Variants in SPIN4 observed in about 807,000 individuals in gnomAD.
SPIN4 encodes the protein spindlin-4.
In SPIN4, 4 loss-of-function variants were observed where a neutral mutation model predicts 10.4. The ratio of observed to expected loss-of-function variants is 0.38; its 90% CI spans 0.19 to 0.88. The LOEUF is 0.88. SPIN4 is among the 40% of genes least tolerant of loss of function. The probability of loss-of-function intolerance (pLI) is 0.40; values close to 1 mark genes in which losing one functional copy is unlikely to be tolerated. For missense variants in SPIN4, 126 were observed against 198.7 expected, an observed-to-expected ratio of 0.63 and a Z score of 2.20; for synonymous variants, 71 against 78.4, an observed-to-expected ratio of 0.91 and a Z score of 0.50.
chrX:63,350,334 G>A lies in SPIN4; in HGVS notation c.486C>T (p.Leu162=). 1.7e-6 allele frequency: 2 copies of A among 1,211,407 alleles called. No homozygotes were observed. The highest frequency in any genetic ancestry group is 2.2e-6 in the Non-Finnish European group (2 of 895,498). ...AGTCATCAAGCAGCGTGTACATATAGAGAACAGGATCTTTCTCGTAGGTGA... is the reference window on the plus strand; with the variant it reads ...AGTCATCAAGCAGCGTGTACATATAAAGAACAGGATCTTTCTCGTAGGTGA... ...FYITYEKDPV[L]YMYTLLDDYK... Residue 162 remains leucine, a synonymous_variant, in exon 1 of 1, where the codon CTC becomes CTT. Transcript: ENST00000374884.
chrX:63,350,153 C>A lies in SPIN4; in HGVS notation c.667G>T (p.Val223Leu), dbSNP rs782724762. The change falls in exon 1 of 1, where the codon GTG becomes TTG. Residue 223 changes from valine to leucine, a missense_variant. By Grantham distance (32) the Val-to-Leu change is conservative (BLOSUM62 1). Transcript: ENST00000374884. ...AAGTAAACAGATGGCTTCGCCACCA[C>A]TTGATGTATAAAAATGCCAGTTCTC... ...SKRTGIFIHQ[V>L]VAKPSVYFIK... The A allele has an allele frequency of 2.5e-6, 3 of 1,210,202 alleles. No homozygotes were observed. The highest frequency in any genetic ancestry group is 3.5e-5 in the African/African-American group (2 of 57,251).
Position 63,350,975 on chromosome X carries a change from T to G in SPIN4, c.-156A>C. On this transcript the variant is annotated 5_prime_UTR_variant, in exon 1 of 1. Coordinates refer to ENST00000374884, the MANE Select transcript of SPIN4 (RefSeq NM_001012968.3). Reference sequence around the variant, plus strand: ...AAGTGCAAGGCTCTCACCAAGGTTTTGGCAGAAACGCTCGAACTCTAACCG... The same window carrying G: ...AAGTGCAAGGCTCTCACCAAGGTTTGGGCAGAAACGCTCGAACTCTAACCG... 1.5e-6 allele frequency: 1 copy of G among 661,371 alleles called. No homozygotes were observed. The highest frequency in any genetic ancestry group is 3.6e-5 in the East Asian group (1 of 27,835). The allele number at this position is 661,371 out of a possible 1,213,427, so 54.5% of individuals were successfully genotyped here. A position where few individuals can be genotyped will look rare whatever the true frequency, so the allele number is the denominator to read the frequency against.
rs782501799 is a variant in SPIN4, at chrX:63,349,892, C to G, written c.*178G>C. The G allele has an allele frequency of 2.6e-5, 12 of 462,854 alleles. No individual in the cohort carries two copies. The highest frequency in any genetic ancestry group is 3.8e-5 in the Non-Finnish European group (11 of 285,810). The allele number at this position is 462,854 out of a possible 1,213,427, so 38.1% of individuals were successfully genotyped here. On this transcript the variant is annotated 3_prime_UTR_variant, in exon 1 of 1. Coordinates refer to ENST00000374884, the MANE Select transcript of SPIN4 (RefSeq NM_001012968.3). ...CAGAACAAGGCAATATCAAAAGTAG[C>G]AAAGTACACTTGAGGCAAAATTGTG...
At position 63,348,604 on chromosome X, in the gene SPIN4, A is replaced by G. The variant is rs1177404078; in HGVS notation, c.*1466T>C. The G allele has an allele frequency of 9.0e-6, 1 of 110,511 alleles. No homozygotes were observed. Among genetic ancestry groups the G allele is most frequent in the East Asian group, 2.8e-4 (1 of 3,538 alleles). 9.1% of individuals were successfully genotyped at this position (110,511 alleles called of 1,213,427 possible). On this transcript the variant is annotated 3_prime_UTR_variant, in exon 1 of 1. Transcript: ENST00000374884. ...AAAATGAATGTCTAGGACATATTAT[A>G]TAAAGAAAAAAAAAACTAATGAAGT...
rs781828333 is a variant in SPIN4, at chrX:63,350,826, G to A, written c.-7C>T. 8.1e-4 allele frequency: 959 copies of A among 1,182,941 alleles called. 6 individuals are homozygous for A. In the South Asian group the frequency reaches 0.014, roughly 17 times the overall value. On this transcript the variant is annotated 5_prime_UTR_variant, in exon 1 of 1. Transcript: ENST00000374884. ...GCACGGTTGGAGGAGACATAGCTCAGGGATTAAGAGGGCTTGGGGAAAGCT... is the reference window on the plus strand; with the variant it reads ...GCACGGTTGGAGGAGACATAGCTCAAGGATTAAGAGGGCTTGGGGAAAGCT...
chrX:63,348,655 A>T lies in SPIN4; in HGVS notation c.*1415T>A, dbSNP rs1258452851. 1 of 110,915 alleles carries T rather than the reference A, an allele frequency of 9.0e-6. No homozygotes were observed. Among genetic ancestry groups the T allele is most frequent in the Non-Finnish European group, 1.9e-5 (1 of 52,820 alleles). 9.1% of individuals were successfully genotyped at this position (110,915 alleles called of 1,213,427 possible). ...GGGACTTGCTTTATCGGATTCTAAAACTTACGATGAAGCCACTATAATTAA... is the reference window on the plus strand; with the variant it reads ...GGGACTTGCTTTATCGGATTCTAAATCTTACGATGAAGCCACTATAATTAA... On this transcript the variant is annotated 3_prime_UTR_variant, in exon 1 of 1. Coordinates refer to ENST00000374884, the MANE Select transcript of SPIN4 (RefSeq NM_001012968.3).
chrX:63,350,063 A>T lies in SPIN4; in HGVS notation c.*7T>A. On this transcript the variant is annotated 3_prime_UTR_variant, in exon 1 of 1. Coordinates refer to ENST00000374884, the MANE Select transcript of SPIN4 (RefSeq NM_001012968.3). The stretch of plus-strand genomic sequence containing the variant: ...GATCCACAACTTCTCTAAAGAGCAC[A>T]AAGAATTTAAGGAGTTTTCACCAAA... 1 of 1,189,906 alleles carries T rather than the reference A, an allele frequency of 8.4e-7. No individual in the cohort carries two copies. Among genetic ancestry groups the T allele is most frequent in the Non-Finnish European group, 1.1e-6 (1 of 882,255 alleles).
rs781805044 is a variant in SPIN4, at chrX:63,349,672, G to A, written c.*398C>T. Reference sequence around the variant, plus strand: ...TAGAACATACTTTCTGCATGAAGATGGGGAAAATAGGTGGAAGGATGTACT... The same window carrying A: ...TAGAACATACTTTCTGCATGAAGATAGGGAAAATAGGTGGAAGGATGTACT... On this transcript the variant is annotated 3_prime_UTR_variant, in exon 1 of 1. Coordinates refer to ENST00000374884, the MANE Select transcript of SPIN4 (RefSeq NM_001012968.3). 7.2e-5 allele frequency: 9 copies of A among 125,100 alleles called. No homozygotes were observed. The highest frequency in any genetic ancestry group is 1.5e-4 in the Non-Finnish European group (9 of 61,921). 10.3% of individuals were successfully genotyped at this position (125,100 alleles called of 1,213,427 possible). A position where few individuals can be genotyped will look rare whatever the true frequency, so the allele number is the denominator to read the frequency against.
At position 63,349,899 on chromosome X, in the gene SPIN4, C is replaced by T. The variant is rs1223626424; in HGVS notation, c.*171G>A. The T allele has an allele frequency of 4.0e-6, 2 of 494,273 alleles. No homozygotes were observed. The highest frequency in any genetic ancestry group is 8.4e-5 in the Admixed American group (2 of 23,786). The allele number at this position is 494,273 out of a possible 1,213,427, so 40.7% of individuals were successfully genotyped here. On this transcript the variant is annotated 3_prime_UTR_variant, in exon 1 of 1. Transcript: ENST00000374884. ...AGGCAATATCAAAAGTAGCAAAGTA[C>T]ACTTGAGGCAAAATTGTGAAACTAG...
chrX:63,349,038 T>C lies in SPIN4; in HGVS notation c.*1032A>G, dbSNP rs1406928110. ...ACATTAGAGCTACAAATGATTAATA[T>C]GCACTATGTAGTAAGAATTTCTACA... On this transcript the variant is annotated 3_prime_UTR_variant, in exon 1 of 1. Transcript: ENST00000374884. The C allele has an allele frequency of 8.9e-6, 1 of 112,033 alleles. No homozygotes were observed. The highest frequency in any genetic ancestry group is 1.9e-5 in the Non-Finnish European group (1 of 53,230). The allele number at this position is 112,033 out of a possible 1,213,427, so 9.2% of individuals were successfully genotyped here.
rs1932946738 is a variant in SPIN4 at position 63,347,382 on chromosome X, C to G, written c.*2688G>C. 1 of 111,580 alleles carries G rather than the reference C, an allele frequency of 9.0e-6. No individual in the cohort carries two copies. The highest frequency in any genetic ancestry group is 1.9e-5 in the Non-Finnish European group (1 of 53,026). 9.2% of individuals were successfully genotyped at this position (111,580 alleles called of 1,213,427 possible). On this transcript the variant is annotated 3_prime_UTR_variant, in exon 1 of 1. Coordinates refer to ENST00000374884, the MANE Select transcript of SPIN4 (RefSeq NM_001012968.3). ...AGAGAACTTTTAACTTTGTATGTCA[C>G]AGAGAATGTATATACCTTTTTAATA...
chrX:63,351,044 C>T lies in SPIN4; in HGVS notation c.-225G>A. On this transcript the variant is annotated 5_prime_UTR_variant, in exon 1 of 1. Coordinates refer to ENST00000374884, the MANE Select transcript of SPIN4 (RefSeq NM_001012968.3). Reference sequence around the variant, plus strand: ...GTGCCTCTCCACAGTGCTTTCCTCTCTCGCCCTAGAAGGGTTACTGCAGCA... The same window carrying T: ...GTGCCTCTCCACAGTGCTTTCCTCTTTCGCCCTAGAAGGGTTACTGCAGCA... 1 of 388,552 alleles carries T rather than the reference C, an allele frequency of 2.6e-6. No homozygotes were observed. The allele number at this position is 388,552 out of a possible 1,213,427, so 32.0% of individuals were successfully genotyped here. A position where few individuals can be genotyped will look rare whatever the true frequency, so the allele number is the denominator to read the frequency against.
At position 63,348,818 on chromosome X, in the gene SPIN4, A is replaced by C. The variant is rs1556016330; in HGVS notation, c.*1252T>G. Reference sequence around the variant, plus strand: ...ACAAAAATAAATTTCAGATGGATCAAACATTTAAACATTAAAAATAATAAA... The same window carrying C: ...ACAAAAATAAATTTCAGATGGATCACACATTTAAACATTAAAAATAATAAA... On this transcript the variant is annotated 3_prime_UTR_variant, in exon 1 of 1. Transcript: ENST00000374884. 9.0e-6 allele frequency: 1 copy of C among 111,584 alleles called. No homozygotes were observed. The highest frequency in any genetic ancestry group is 3.2e-5 in the African/African-American group (1 of 30,802). 9.2% of individuals were successfully genotyped at this position (111,584 alleles called of 1,213,427 possible).
In SPIN4 at chrX:63,350,249, G is replaced by A; in HGVS notation, c.571C>T (p.Gln191Ter). The change falls in exon 1 of 1, where the codon CAG (glutamine) becomes TAG (stop). Residue 191 changes from glutamine (Q) to a stop codon, truncating the protein, a stop_gained. Coordinates refer to ENST00000374884, the MANE Select transcript of SPIN4 (RefSeq NM_001012968.3). LOFTEE classifies it high-confidence loss of function. ...CTGTCGACCACCTCTCCAGGCTCCTGTTCTGCTGTAGGGAAATAGTAGTTG... is the reference window on the plus strand; with the variant it reads ...CTGTCGACCACCTCTCCAGGCTCCTATTCTGCTGTAGGGAAATAGTAGTTG... ...DSNYYFPTAEQEPGEVVDSLV... is the reference protein window; with the variant it reads ...DSNYYFPTAE 8.3e-7 allele frequency: 1 copy of A among 1,211,414 alleles called. No individual in the cohort carries two copies. The highest frequency in any genetic ancestry group is 1.1e-6 in the Non-Finnish European group (1 of 895,365).
rs1480211050 is a variant in SPIN4 at position 63,348,520 on chromosome X, A to G, written c.*1550T>C. ...ACAAAAATGCAGGATTTTAATTGTGATGTCAGCCATCATAATTAGAATTTT... is the reference window on the plus strand; with the variant it reads ...ACAAAAATGCAGGATTTTAATTGTGGTGTCAGCCATCATAATTAGAATTTT... On this transcript the variant is annotated 3_prime_UTR_variant, in exon 1 of 1. Transcript: ENST00000374884. 1 of 110,647 alleles carries G rather than the reference A, an allele frequency of 9.0e-6. No homozygotes were observed. Among genetic ancestry groups the G allele is most frequent in the African/African-American group, 3.3e-5 (1 of 30,511 alleles). The allele number at this position is 110,647 out of a possible 1,213,427, so 9.1% of individuals were successfully genotyped here.
At position 63,349,684 on chromosome X, in the gene SPIN4, T is replaced by G. The variant is rs782046345; in HGVS notation, c.*386A>C. On this transcript the variant is annotated 3_prime_UTR_variant, in exon 1 of 1. Transcript: ENST00000374884. ...TCTGCATGAAGATGGGGAAAATAGG[T>G]GGAAGGATGTACTTCGCATCCTCAA... 7.8e-6 allele frequency: 1 copy of G among 128,801 alleles called. No homozygotes were observed. The highest frequency in any genetic ancestry group is 1.6e-5 in the Non-Finnish European group (1 of 63,676). The allele number at this position is 128,801 out of a possible 1,213,427, so 10.6% of individuals were successfully genotyped here.
rs1196815509 is a variant in SPIN4, at chrX:63,347,741, A to G, written c.*2329T>C. On this transcript the variant is annotated 3_prime_UTR_variant, in exon 1 of 1. Coordinates refer to ENST00000374884, the MANE Select transcript of SPIN4 (RefSeq NM_001012968.3). Reference sequence around the variant, plus strand: ...AAATCCACTCATGTAGCAAATCATTATTTCACAATGACCAAGTAGTATTTG... The same window carrying G: ...AAATCCACTCATGTAGCAAATCATTGTTTCACAATGACCAAGTAGTATTTG... 2 of 111,874 alleles carry G rather than the reference A, an allele frequency of 1.8e-5. No individual in the cohort carries two copies. Among genetic ancestry groups the G allele is most frequent in the Non-Finnish European group, 3.8e-5 (2 of 53,036 alleles). 9.2% of individuals were successfully genotyped at this position (111,874 alleles called of 1,213,427 possible).
rs1324550116 is a variant in SPIN4 at position 63,347,868 on chromosome X, T to C, written c.*2202A>G. The C allele has an allele frequency of 9.0e-6, 1 of 111,619 alleles. No individual in the cohort carries two copies. The highest frequency in any genetic ancestry group is 1.9e-5 in the Non-Finnish European group (1 of 52,980). The allele number at this position is 111,619 out of a possible 1,213,427, so 9.2% of individuals were successfully genotyped here. On this transcript the variant is annotated 3_prime_UTR_variant, in exon 1 of 1. Coordinates refer to ENST00000374884, the MANE Select transcript of SPIN4 (RefSeq NM_001012968.3). ...AAAATCATACAATTTTATCAATAGA[T>C]GCTGAAAAGGCATTTTATAAAATTC... is the stretch of plus-strand genomic sequence containing the variant.
chrX:63,350,890 A>G lies in SPIN4; in HGVS notation c.-71T>C, dbSNP rs1201538518. 3.6e-6 allele frequency: 4 copies of G among 1,103,566 alleles called. No individual in the cohort carries two copies. Among genetic ancestry groups the G allele is most frequent in the African/African-American group, 1.9e-5 (1 of 53,963 alleles). The allele number at this position is 1,103,566 out of a possible 1,213,427, so 90.9% of individuals were successfully genotyped here. A position where few individuals can be genotyped will look rare whatever the true frequency, so the allele number is the denominator to read the frequency against. ...ATTAAACTGACAAAAAGTCAACACT[A>G]TGCAATATGATATATATATTTTTTG... On this transcript the variant is annotated 5_prime_UTR_variant, in exon 1 of 1. Transcript: ENST00000374884.
Sources: gnomAD v4.1 joint callset for allele counts on GRCh38, gnomAD v4.1.1 for gene constraint, MANE v1.5 for transcripts, NCBI Gene and HGNC (gene_info 2026-07-23, HGNC 2026-07-21) for gene names.